SYNPO2: variants seen among roughly 807,000 people sequenced by gnomAD.
SYNPO2 encodes synaptopodin 2, also known as synaptopodin-2.
SYNPO2 carries 56 observed loss-of-function variants against 85.0 expected under a neutral mutation model. That is an observed-to-expected ratio of 0.66 (90% CI 0.53 to 0.82). SYNPO2 has a LOEUF of 0.82. SYNPO2 is among the 40% of genes least tolerant of loss of function. SYNPO2 has a pLI of 0.00. For synonymous variants in SYNPO2, 602 were observed against 591.1 expected, an observed-to-expected ratio of 1.02 and a Z score of -0.27; for missense variants, 1,575 against 1,534.2, an observed-to-expected ratio of 1.03 and a Z score of -0.44.
Position 118,938,474 on chromosome 4 carries a change from C to T in SYNPO2, c.105+49333C>T, listed in dbSNP as rs533584294. ...TGCAGAAACTGTAAATATGGAAGGC[C>T]AACTGTATATTATTATTGTTTTAAG... is the stretch of plus-strand genomic sequence containing the variant. On this transcript the variant is annotated intron_variant, in intron 1 of 4. Transcript: ENST00000307142. 1.1e-4 allele frequency among the ~76,000 whole-genome samples: 17 copies of T among 152,066 alleles called. No homozygotes were observed. In the South Asian group the frequency reaches 2.3e-3, roughly 20 times the overall value.
Position 119,030,880 on chromosome 4 carries a change from C to G in SYNPO2, c.2105C>G (p.Pro702Arg), listed in dbSNP as rs1384985942. 3 of 1,613,970 alleles carry G rather than the reference C, an allele frequency of 1.9e-6. No individual in the cohort carries two copies. The African/African-American group carries it at 4.0e-5, about 22-fold the overall frequency. ...AAACCCATGTTTACTTTTAAAGAGC[C>G]CAAAGTAAGCCCAAATCCTGAACTC... ...TTKPMFTFKE[P>R]KVSPNPELLS... Residue 702 changes from proline (P) to arginine (R), a missense_variant, in exon 4 of 5, where the codon CCC (proline) becomes CGC (arginine). Coordinates refer to ENST00000307142, the MANE Select transcript of SYNPO2 (RefSeq NM_133477.3).
chr4:119,022,550 C>G (rs1737767648), intron 1 of SYNPO2, among the ~76,000 whole-genome samples: 2 of 103,210 alleles, frequency 1.9e-5, no homozygotes, highest in Non-Finnish European at 1.8e-5. Flanking sequence ...GAGACAGGGT[C>G]TTACCATATT....
upstream of SYNPO2, among the ~76,000 whole-genome samples, chr4:118,884,677 C>T (rs1371739503): frequency 6.6e-6 from 1 of 152,128 alleles, no homozygotes; most frequent in Non-Finnish European, 1.5e-5. Context: ...TTCAAATGTT[C>T]CAAGTCTAAT....
chr4:119,052,225 A>G (rs1404512626), intron 4 of SYNPO2, among the ~76,000 whole-genome samples: 1 of 152,108 alleles, frequency 6.6e-6, no homozygotes, highest in Non-Finnish European at 1.5e-5. Context: ...TTCCCCATGG[A>G]CCAGGCCAGT....
chr4:118,888,553 T>C (rs1430247633), upstream of SYNPO2, among the ~76,000 whole-genome samples: 1 of 152,244 alleles, frequency 6.6e-6, no homozygotes, highest in Non-Finnish European at 1.5e-5. Context: ...TAGGACGTCA[T>C]TCATGGCGTG....
chr4:118,880,357 C>G (rs541048956), intron 1 of SYNPO2, among the ~76,000 whole-genome samples: 1 of 152,148 alleles, frequency 6.6e-6, no homozygotes, highest in Non-Finnish European at 1.5e-5. Flanking sequence ...TCTCCAGTAC[C>G]TCAAAGCTCC....
chr4:119,014,172 C>G (rs1461144405), intron 1 of SYNPO2, among the ~76,000 whole-genome samples: 2 of 152,174 alleles, frequency 1.3e-5, no homozygotes, highest in Admixed American at 6.5e-5. Context: ...CCTGTAATCC[C>G]AGCACTTTGG....
chr4:118,993,394 CG>C (rs1326978269), intron 1 of SYNPO2, among the ~76,000 whole-genome samples: 1 of 152,130 alleles, frequency 6.6e-6, no homozygotes, highest in Non-Finnish European at 1.5e-5. Flanking sequence ...TATAGACAAA[CG>C]TATCTCATTT....
At chr4:118,913,853 A>T (rs1733223386) in intron 1 of SYNPO2, among the ~76,000 whole-genome samples, 1 of 152,188 alleles carries the variant, frequency 6.6e-6, no homozygotes, top group African/African-American at 2.4e-5. Flanking sequence ...TTCATTAAAA[A>T]TTATTTCTCC....
At chr4:118,860,264 G>T (rs548350703) in intron 1 of SYNPO2, among the ~76,000 whole-genome samples, 1 of 152,224 alleles carries the variant, frequency 6.6e-6, no homozygotes, top group East Asian at 1.9e-4. Flanking sequence ...TTTTTGTTGA[G>T]ACAGGGTCTC....
At chr4:119,053,972 T>A (rs1231990088) in intron 4 of SYNPO2, among the ~76,000 whole-genome samples, 2 of 152,354 alleles carry the variant, frequency 1.3e-5, no homozygotes, top group East Asian at 3.9e-4. Context: ...TTCTATCTTT[T>A]AAAATACCTA....
At chr4:118,880,814 C>T (rs1043002159) in intron 1 of SYNPO2, among the ~76,000 whole-genome samples, 6 of 151,562 alleles carry the variant, frequency 4.0e-5, no homozygotes, top group African/African-American at 7.3e-5. Flanking sequence ...ATTGACATTA[C>T]ATTTTTCCCT....
At chr4:118,911,696 A>G (rs973660163) in intron 1 of SYNPO2, among the ~76,000 whole-genome samples, 1 of 152,204 alleles carries the variant, frequency 6.6e-6, no homozygotes, top group Non-Finnish European at 1.5e-5. Flanking sequence ...CCATCTCACC[A>G]TCATGGGAAG....
At chr4:118,890,479 T>G (rs942714552) in intron 1 of SYNPO2, among the ~76,000 whole-genome samples, 2 of 152,100 alleles carry the variant, frequency 1.3e-5, no homozygotes, top group African/African-American at 4.8e-5. Flanking sequence ...AAAGGTGGTT[T>G]TGTTGGGTTC....
chr4:118,876,674 T>C lies in SYNPO2; in HGVS notation c.12+25734T>C, dbSNP rs541150418. On this transcript the variant is annotated intron_variant, in intron 1 of 4. Transcript: ENST00000610556. ...TCCTTCCTTCCTTCCTTTCTCTTTCTTTCTTTCTTTCTTTCTTTCTTTCTT... is the reference window on the plus strand; with the variant it reads ...TCCTTCCTTCCTTCCTTTCTCTTTCCTTCTTTCTTTCTTTCTTTCTTTCTT... Among the ~76,000 whole-genome samples the C allele has an allele frequency of 9.9e-4, 6 of 6,074 alleles. No individual in the cohort carries two copies. In the South Asian group the frequency reaches 0.032, roughly 32 times the overall value. 4.0% of individuals were successfully genotyped at this position (6,074 alleles called of 152,430 possible).
rs762968549 is a variant in SYNPO2 at position 119,031,183 on chromosome 4, T to C, written c.2408T>C (p.Val803Ala). The change falls in exon 4 of 5, where the codon GTC (valine) becomes GCC (alanine). Residue 803 changes from valine to alanine, a missense_variant. This residue lies in a region of SYNPO2 where 1,508 missense variants were observed against 1,446.8 expected (regional missense o/e 1.04). Transcript: ENST00000307142. The stretch of plus-strand genomic sequence containing the variant: ...TCCAACCCATCAAAGGGCACCGTTG[T>C]CTCCTCCATCAAAATAGCCCAGCCT... ...PTSNPSKGTVVSSIKIAQPSY... is the reference protein window; with the variant it reads ...PTSNPSKGTVASSIKIAQPSY... 6 of 1,613,948 alleles carry C rather than the reference T, an allele frequency of 3.7e-6. No individual in the cohort carries two copies. The highest frequency in any genetic ancestry group is 1.7e-5 in the Admixed American group (1 of 59,994).
At chr4:118,938,089 G>A (rs985905377) in intron 1 of SYNPO2, among the ~76,000 whole-genome samples, 2 of 152,124 alleles carry the variant, frequency 1.3e-5, no homozygotes, top group African/African-American at 4.8e-5. Flanking sequence ...GATCACCTGA[G>A]GTCAGGAGTT....
intron 2 of SYNPO2, 110 bp from the exon 3 acceptor site, chr4:119,026,517 A>C (rs1468384080): frequency 4.1e-6 from 5 of 1,209,488 alleles, no homozygotes; most frequent in Non-Finnish European, 5.7e-6. Flanking sequence ...CATTTAGAAG[A>C]AAATATTTTG....
At chr4:118,988,352 G>A (rs1045023519) in intron 1 of SYNPO2, among the ~76,000 whole-genome samples, 4 of 151,804 alleles carry the variant, frequency 2.6e-5, no homozygotes, top group African/African-American at 9.7e-5. Context: ...GGTGTTAATG[G>A]AGAAGCAAAT....
Sources: allele counts gnomAD v4.1 joint callset (sites outside exome capture counted in the v4.1 genomes callset), GRCh38; gene constraint gnomAD v4.1.1; regional missense constraint gnomAD v4.1.1; transcripts MANE v1.5; gene names NCBI Gene and HGNC (gene_info 2026-07-23, HGNC 2026-07-21).